CCDC171: variants seen among roughly 807,000 people sequenced by gnomAD.
The protein encoded by CCDC171 is coiled-coil domain containing 171.
Under a neutral mutation model 168.2 loss-of-function variants are expected in CCDC171, and 177 were observed. The ratio of observed to expected loss-of-function variants is 1.05; its 90% CI spans 0.93 to 1.19. The LOEUF is 1.19. Ranked by LOEUF, CCDC171 falls within the 50% of genes most tolerant of loss-of-function variation. The probability of loss-of-function intolerance (pLI) is 0.00; values close to 1 mark genes in which losing one functional copy is unlikely to be tolerated. For synonymous variants in CCDC171, 687 were observed against 540.8 expected (o/e 1.27, Z -3.75); for missense variants, 1,991 against 1,539.0 (o/e 1.29, Z -4.91).
chr9:15,798,981 T>G (rs2058687829), intron 21 of CCDC171, among the ~76,000 whole-genome samples: 1 of 151,712 alleles, frequency 6.6e-6, no homozygotes, highest in African/African-American at 2.4e-5. Context: ...TACTTCCATT[T>G]CTTTTCTTTC....
the CCDC171 span, among the ~76,000 whole-genome samples, chr9:16,083,180 A>G: frequency 6.6e-6 from 1 of 152,224 alleles, no homozygotes; most frequent in Non-Finnish European, 1.5e-5. Context: ...AATGGGTCCT[A>G]TGTTGAGAAT....
At chr9:16,107,125 G>C in the CCDC171 span, among the ~76,000 whole-genome samples, 1 of 152,108 alleles carries the variant, frequency 6.6e-6, no homozygotes, top group Non-Finnish European at 1.5e-5. Context: ...GAAATTTGCA[G>C]ACATTTTTTT....
At chr9:16,042,119 G>A (rs1001769877), upstream of CCDC171, among the ~76,000 whole-genome samples, 7 of 152,180 alleles carry the variant, frequency 4.6e-5, no homozygotes, top group Non-Finnish European at 7.4e-5. Flanking sequence ...CTAGTTCGTC[G>A]TGGAGCAAGA....
chr9:16,037,743 T>C (rs1415258551), intron 8 of CCDC171, among the ~76,000 whole-genome samples: 1 of 152,078 alleles, frequency 6.6e-6, no homozygotes, highest in Non-Finnish European at 1.5e-5. Context: ...AAGAAAAAAG[T>C]AGTAAACTGG....
At chr9:15,810,434 G>A (rs968388561) in intron 21 of CCDC171, among the ~76,000 whole-genome samples, 2 of 151,388 alleles carry the variant, frequency 1.3e-5, no homozygotes, top group Non-Finnish European at 2.9e-5. Flanking sequence ...GGGACCGGGC[G>A]CTGTGGAGCA....
intron 8 of CCDC171, among the ~76,000 whole-genome samples, chr9:15,664,507 C>A (rs1202553267): frequency 2.0e-5 from 3 of 150,150 alleles, no homozygotes; most frequent in African/African-American, 7.4e-5. Flanking sequence ...CCTTGGCCTC[C>A]CGGAGTGTTG....
intron 11 of CCDC171, among the ~76,000 whole-genome samples, chr9:15,706,917 C>G (rs2052288143): frequency 6.6e-6 from 1 of 152,240 alleles, no homozygotes; most frequent in African/African-American, 2.4e-5. Context: ...TGGGCAGTCT[C>G]AGGGAGTGCT....
At chr9:15,842,275 C>T (rs960324087) in intron 21 of CCDC171, among the ~76,000 whole-genome samples, 6 of 151,940 alleles carry the variant, frequency 3.9e-5, no homozygotes, top group East Asian at 3.9e-4. Context: ...GTCTTCTTAG[C>T]GGCCTAATGG....
chr9:15,806,102 C>T (rs1444769101), intron 21 of CCDC171, among the ~76,000 whole-genome samples: 1 of 152,100 alleles, frequency 6.6e-6, no homozygotes, highest in East Asian at 1.9e-4. Context: ...GTTTCTCCAT[C>T]CTTTTATTTT....
At chr9:15,991,755 C>A (rs974768257) in intron 3 of CCDC171, among the ~76,000 whole-genome samples, 6 of 152,064 alleles carry the variant, frequency 3.9e-5, no homozygotes, top group African/African-American at 1.4e-4. Context: ...ATATCACCAC[C>A]AACCCCACAG....
chr9:15,840,303 A>G (rs530337290), intron 21 of CCDC171, among the ~76,000 whole-genome samples: 1 of 152,114 alleles, frequency 6.6e-6, no homozygotes, highest in Non-Finnish European at 1.5e-5. Context: ...TTCTCAAATG[A>G]TTTTAAAACA....
intron 18 of CCDC171, among the ~76,000 whole-genome samples, chr9:15,760,671 A>G (rs147119825): frequency 2.0e-5 from 3 of 152,288 alleles, no homozygotes; most frequent in East Asian, 3.9e-4. Context: ...GGACCTGCAT[A>G]TTACTTTTTA....
At chr9:15,931,562 C>T (rs1476628087) in intron 25 of CCDC171, among the ~76,000 whole-genome samples, 1 of 138,642 alleles carries the variant, frequency 7.2e-6, no homozygotes, top group African/African-American at 2.7e-5. Flanking sequence ...TTCTGCCATT[C>T]TGTAGGTTGT....
intron 3 of CCDC171, among the ~76,000 whole-genome samples, chr9:15,991,742 G>C (rs187862310): frequency 8.9e-4 from 136 of 152,072 alleles, no homozygotes; most frequent in African/African-American, 3.1e-3. Flanking sequence ...AATGATAAAG[G>C]GGATATCACC....
intron 4 of CCDC171, among the ~76,000 whole-genome samples, chr9:15,589,131 C>T (rs958130341): frequency 6.6e-6 from 1 of 152,120 alleles, no homozygotes; most frequent in African/African-American, 2.4e-5. Flanking sequence ...ACACGTTTCC[C>T]TTCTAGTTTT....
At chr9:15,752,659 G>T (rs571657227) in intron 18 of CCDC171, among the ~76,000 whole-genome samples, 1 of 152,078 alleles carries the variant, frequency 6.6e-6, no homozygotes, top group Admixed American at 6.6e-5. Flanking sequence ...ACCAAACAGC[G>T]CATGTTCTCA....
At chr9:15,958,292 G>A (rs566591695) in intron 25 of CCDC171, among the ~76,000 whole-genome samples, 1 of 152,158 alleles carries the variant, frequency 6.6e-6, no homozygotes, top group Non-Finnish European at 1.5e-5. Context: ...AGAACTTACT[G>A]TGATGATAGA....
intron 7 of CCDC171, among the ~76,000 whole-genome samples, chr9:15,638,103 T>C (rs1472114496): frequency 6.6e-6 from 1 of 152,214 alleles, no homozygotes; most frequent in African/African-American, 2.4e-5. Context: ...GTAAATACTT[T>C]TGATAATACC....
chr9:15,578,746 C>A, intron 3 of CCDC171, 103 bp from the exon 4 acceptor site: 1 of 808,936 alleles, frequency 1.2e-6, no homozygotes, highest in Non-Finnish European at 1.8e-6. Context: ...AAATTTTTGC[C>A]TTGTATATAT....
Sources: allele counts gnomAD v4.1 joint callset (sites outside exome capture counted in the v4.1 genomes callset), GRCh38; gene constraint gnomAD v4.1.1; transcripts MANE v1.5; gene names NCBI Gene and HGNC (gene_info 2026-07-23, HGNC 2026-07-21).